The following TENM3 variants were observed in gnomAD, a reference collection of about 807,000 sequenced individuals.
TENM3 encodes teneurin-3.
A neutral mutation model predicts 255.1 loss-of-function variants in TENM3; 63 were observed. The observed-to-expected ratio is 0.25, with a 90% CI of 0.20 to 0.30. TENM3 has a LOEUF of 0.30. Among genes scored for constraint, TENM3 ranks in the 10% least tolerant of loss-of-function variants. The probability of loss-of-function intolerance (pLI) is 1.00; values close to 1 mark genes in which losing one functional copy is unlikely to be tolerated. For missense variants in TENM3, 2,929 were observed against 3,461.1 expected (o/e 0.85, Z 3.86); for synonymous variants, 1,306 against 1,322.3 (o/e 0.99, Z 0.27).
At chr4:182,175,675 A>C (rs1378610208) in intron 1 of TENM3, among the ~76,000 whole-genome samples, 1 of 152,184 alleles carries the variant, frequency 6.6e-6, no homozygotes, top group Admixed American at 6.5e-5. Context: ...TGTCTATTGA[A>C]GTTGATTGCC....
chr4:182,092,904 T>C, the TENM3 span, among the ~76,000 whole-genome samples: 26 of 152,298 alleles, frequency 1.7e-4, no homozygotes, highest in African/African-American at 5.8e-4. Context: ...ATAGGCAAGA[T>C]TCAAAGTAAA....
chr4:181,574,904 A>G, the TENM3 span, among the ~76,000 whole-genome samples: 3 of 152,094 alleles, frequency 2.0e-5, no homozygotes, highest in Non-Finnish European at 4.4e-5. Context: ...AGATGCCAAT[A>G]TATTATTGTT....
intron 3 of TENM3, among the ~76,000 whole-genome samples, chr4:182,544,045 A>G (rs1230470976): frequency 6.6e-6 from 1 of 152,216 alleles, no homozygotes; most frequent in African/African-American, 2.4e-5. Flanking sequence ...AGGGAAAGAT[A>G]ACACACTGTC....
chr4:181,631,907 A>G, the TENM3 span, among the ~76,000 whole-genome samples: 1 of 152,272 alleles, frequency 6.6e-6, no homozygotes, highest in African/African-American at 2.4e-5. Context: ...TTCACAGCCT[A>G]TCATTTATGG....
the TENM3 span, among the ~76,000 whole-genome samples, chr4:182,042,123 T>G: frequency 5.3e-5 from 8 of 152,034 alleles, no homozygotes; most frequent in Admixed American, 3.9e-4. Context: ...CTTTCCCCAG[T>G]TTGGAAGTGA....
chr4:181,496,373 A>T, the TENM3 span, among the ~76,000 whole-genome samples: 7,803 of 152,226 alleles, frequency 0.051, 274 homozygotes, highest in Non-Finnish European at 0.08. Context: ...TCCATGCATT[A>T]CTTTGATGTT....
At chr4:182,674,561 G>A (rs1421959207) in intron 7 of TENM3, among the ~76,000 whole-genome samples, 1 of 151,636 alleles carries the variant, frequency 6.6e-6, no homozygotes. Flanking sequence ...TGTTTGTTGG[G>A]GTTTTGGTTT....
chr4:182,600,893 CT>C (rs774689891), intron 3 of TENM3, 30 bp from the exon 4 acceptor site: 1 of 992,144 alleles, frequency 1.0e-6, no homozygotes, highest in East Asian at 2.8e-5. Context: ...AATGAGTTCT[CT>C]TTCTTTTTTT....
the TENM3 span, among the ~76,000 whole-genome samples, chr4:181,519,261 C>A: frequency 3.8e-4 from 58 of 152,220 alleles, no homozygotes; most frequent in East Asian, 4.4e-3. Flanking sequence ...AGGCAGAGAT[C>A]GTGTGGTGCT....
chr4:182,492,460 G>T (rs1257556531), intron 3 of TENM3, among the ~76,000 whole-genome samples: 1 of 152,116 alleles, frequency 6.6e-6, no homozygotes, highest in Non-Finnish European at 1.5e-5. Flanking sequence ...ACATTTGCTC[G>T]AGGAGTTACT....
At chr4:181,506,646 A>G in the TENM3 span, among the ~76,000 whole-genome samples, 2 of 151,778 alleles carry the variant, frequency 1.3e-5, no homozygotes. Flanking sequence ...GTGCCTCACC[A>G]TGCATGTCAC....
At chr4:182,498,363 C>T (rs935481720) in intron 3 of TENM3, among the ~76,000 whole-genome samples, 2 of 152,130 alleles carry the variant, frequency 1.3e-5, no homozygotes, top group African/African-American at 2.4e-5. Context: ...CATTCGTCTT[C>T]ACCTCTTGAG....
upstream of TENM3, among the ~76,000 whole-genome samples, chr4:182,139,231 G>A (rs1347876268): frequency 6.6e-6 from 1 of 152,196 alleles, no homozygotes; most frequent in Non-Finnish European, 1.5e-5. Context: ...GCCAACGGGA[G>A]GAGAGTATCA....
At chr4:182,073,368 T>G in the TENM3 span, among the ~76,000 whole-genome samples, 1 of 152,132 alleles carries the variant, frequency 6.6e-6, no homozygotes, top group Admixed American at 6.5e-5. Flanking sequence ...AGATGAAATT[T>G]GGGTGGGGAC....
chr4:181,937,502 A>G, the TENM3 span, among the ~76,000 whole-genome samples: 1 of 152,212 alleles, frequency 6.6e-6, no homozygotes, highest in Non-Finnish European at 1.5e-5. Context: ...TTCTACATCC[A>G]TATGGGAAGG....
the TENM3 span, among the ~76,000 whole-genome samples, chr4:181,570,271 T>G: frequency 1.3e-5 from 2 of 151,994 alleles, 1 homozygote; most frequent in Non-Finnish European, 2.9e-5. Context: ...GGTCTCGATC[T>G]CCTGACCTCA....
chr4:181,808,966 TTC>T, the TENM3 span, among the ~76,000 whole-genome samples: 1 of 152,294 alleles, frequency 6.6e-6, no homozygotes, highest in Non-Finnish European at 1.5e-5. Context: ...TGTAAGCAAT[TTC>T]TGTTTTGCAA....
the TENM3 span, among the ~76,000 whole-genome samples, chr4:181,937,330 C>A: frequency 7.9e-5 from 12 of 152,152 alleles, no homozygotes; most frequent in Non-Finnish European, 1.5e-4. Flanking sequence ...CATTGAGAAA[C>A]CATTAGTGGG....
chr4:182,151,054 G>T (rs1579513497), intron 1 of TENM3, among the ~76,000 whole-genome samples: 1 of 152,074 alleles, frequency 6.6e-6, no homozygotes, highest in Non-Finnish European at 1.5e-5. Flanking sequence ...GCATAAGGAG[G>T]TGTCTTTTTT....
Sources: gnomAD v4.1 joint callset for allele counts (sites outside exome capture counted in the v4.1 genomes callset) on GRCh38, gnomAD v4.1.1 for gene constraint, MANE v1.5 for transcripts, NCBI Gene and HGNC (gene_info 2026-07-23, HGNC 2026-07-21) for gene names.